The following YEATS2 variants were observed in gnomAD, a reference collection of about 807,000 sequenced individuals.
YEATS2 encodes YEATS domain containing 2.
Under a neutral mutation model 163.2 loss-of-function variants are expected in YEATS2, and 77 were observed. That is an observed-to-expected ratio of 0.47 (90% CI 0.39 to 0.57). The LOEUF (loss-of-function observed/expected upper bound fraction) is 0.57, where lower values mean the gene tolerates loss of function less well. Among genes scored for constraint, YEATS2 ranks in the 20% least tolerant of loss-of-function variants. The pLI is 0.00. For missense variants in YEATS2, 1,549 were observed against 1,729.8 expected, an observed-to-expected ratio of 0.90 and a Z score of 1.85; for synonymous variants, 631 against 645.1, an observed-to-expected ratio of 0.98 and a Z score of 0.33.
At chr3:183,767,612 AC>A (rs1463989409) in intron 15 of YEATS2, among the ~76,000 whole-genome samples, 1 of 151,896 alleles carries the variant, frequency 6.6e-6, no homozygotes, top group East Asian at 1.9e-4. Flanking sequence ...CAAACTTCTG[AC>A]CTTGTGATCT....
chr3:183,730,539 T>C (rs991711264), intron 7 of YEATS2, among the ~76,000 whole-genome samples: 1 of 152,218 alleles, frequency 6.6e-6, no homozygotes, highest in African/African-American at 2.4e-5. Context: ...GCTGTTTTTT[T>C]TGCTGCCACA....
In YEATS2 at chr3:183,730,052, G is replaced by GTTTTTTT. The variant is rs869091775; in HGVS notation, c.812+1230_812+1236dup. Among the ~76,000 whole-genome samples the GTTTTTTT allele has an allele frequency of 1.6e-3, 66 of 41,720 alleles. 4 individuals carry two copies. Among genetic ancestry groups the GTTTTTTT allele is most frequent in the African/African-American group, 2.0e-3 (24 of 12,142 alleles). 27.4% of individuals were successfully genotyped at this position (41,720 alleles called of 152,430 possible). On this transcript the variant is annotated intron_variant, in intron 7 of 30. Coordinates refer to ENST00000305135, the MANE Select transcript of YEATS2 (RefSeq NM_018023.5). ...ATATTAATTGTGTGGTTTTTTGTTTGTTTTTTTTTTTTTTTTTTTTTTTTT... is the reference window on the plus strand; with the variant it reads ...ATATTAATTGTGTGGTTTTTTGTTTGTTTTTTTTTTTTTTTTTTTTTTTTTTTTTTTT...
At chr3:183,714,257 G>A (rs1200823950) in intron 1 of YEATS2, among the ~76,000 whole-genome samples, 3 of 148,098 alleles carry the variant, frequency 2.0e-5, no homozygotes, top group African/African-American at 5.0e-5. Context: ...GTGCAGTGGC[G>A]CGATCTCAGC....
rs4274778 is a variant in YEATS2 at position 183,808,583 on chromosome 3, C to T, written c.4086+479C>T. 873 of 167,782 alleles carry T rather than the reference C, an allele frequency of 5.2e-3. 10 individuals are homozygous for T. Among genetic ancestry groups the T allele is most frequent in the African/African-American group, 0.017 (717 of 41,740 alleles). The allele number at this position is 167,782 out of a possible 1,614,324, so 10.4% of individuals were successfully genotyped here. A position where few individuals can be genotyped will look rare whatever the true frequency, so the allele number is the denominator to read the frequency against. On this transcript the variant is annotated intron_variant, in intron 29 of 30. Coordinates refer to ENST00000305135, the MANE Select transcript of YEATS2 (RefSeq NM_018023.5). ...TAAATACAATGTCTAGGGCTGGGCG[C>T]GGTGGCTCATGCCTGTAATCTCAGC...
intron 15 of YEATS2, among the ~76,000 whole-genome samples, chr3:183,763,193 C>T (rs575252129): frequency 2.6e-5 from 4 of 152,168 alleles, no homozygotes; most frequent in South Asian, 4.2e-4. Context: ...GTGTGAACAT[C>T]GCAGTGTACT....
chr3:183,771,867 C>T (rs1356483727), intron 15 of YEATS2, among the ~76,000 whole-genome samples: 1 of 151,772 alleles, frequency 6.6e-6, no homozygotes, highest in East Asian at 1.9e-4. Context: ...GCTGGGACTA[C>T]AGGTGTGTGC....
intron 17 of YEATS2, 89 bp downstream of exon 17, chr3:183,773,883 CA>C (rs1481103691): frequency 7.0e-7 from 1 of 1,424,182 alleles, no homozygotes; most frequent in Admixed American, 2.7e-5. Flanking sequence ...TTACCTGTTT[CA>C]GGAAGCATTT....
At chr3:183,752,355 G>A in intron 10 of YEATS2, 102 bp downstream of exon 10, 1 of 1,387,832 alleles carries the variant, frequency 7.2e-7, no homozygotes, top group Non-Finnish European at 1.0e-6. Context: ...TTTGCTATAA[G>A]TGGACATGCT....
intron 25 of YEATS2, 179 bp downstream of exon 25, chr3:183,801,707 TTTA>T (rs1201869122): frequency 5.9e-6 from 3 of 504,496 alleles, no homozygotes; most frequent in African/African-American, 3.9e-5. Context: ...CAGTTAGTTT[TTTA>T]TTGTTTTCAC....
rs57050296 is a variant in YEATS2 at position 183,755,741 on chromosome 3, C to CTTTTTTTTTTTTTTTTTTTTTTTTTTTT, written c.1391-785_1391-758dup. Reference sequence around the variant, plus strand: ...ACTTACTGATTTTCTTCCTTCCTTTCTTTTTTTTTTTTTTTTTTTTTTTTT... The same window carrying CTTTTTTTTTTTTTTTTTTTTTTTTTTTT: ...ACTTACTGATTTTCTTCCTTCCTTTCTTTTTTTTTTTTTTTTTTTTTTTTTTTTTTTTTTTTTTTTTTTTTTTTTTTTT... On this transcript the variant is annotated intron_variant, in intron 11 of 30. Transcript: ENST00000305135. 2.4e-5 allele frequency among the ~76,000 whole-genome samples: 2 copies of CTTTTTTTTTTTTTTTTTTTTTTTTTTTT among 82,220 alleles called. 1 individual carries two copies. Among genetic ancestry groups the CTTTTTTTTTTTTTTTTTTTTTTTTTTTT allele is most frequent in the East Asian group, 6.6e-4 (2 of 3,012 alleles). The allele number at this position is 82,220 out of a possible 152,430, so 53.9% of individuals were successfully genotyped here. A position where few individuals can be genotyped will look rare whatever the true frequency, so the allele number is the denominator to read the frequency against.
chr3:183,710,385 C>G (rs969386028), intron 1 of YEATS2, among the ~76,000 whole-genome samples: 1 of 152,220 alleles, frequency 6.6e-6, no homozygotes, highest in Non-Finnish European at 1.5e-5. Flanking sequence ...CTAGTCTTAG[C>G]TAGCTAGCAG....
At chr3:183,742,950 TCATTAG>T (rs1438613208) in intron 8 of YEATS2, among the ~76,000 whole-genome samples, 1 of 152,244 alleles carries the variant, frequency 6.6e-6, no homozygotes, top group East Asian at 1.9e-4. Flanking sequence ...CTCAAGGTGA[TCATTAG>T]CACTTTTTAG....
Position 183,790,877 on chromosome 3 carries a change from C to A in YEATS2, c.2994C>A (p.Ser998Arg). 1 of 1,614,180 alleles carries A rather than the reference C, an allele frequency of 6.2e-7. No homozygotes were observed. The highest frequency in any genetic ancestry group is 8.5e-7 in the Non-Finnish European group (1 of 1,180,032). Residue 998 changes from serine (S) to arginine (R), a missense_variant, in exon 21 of 31, where the codon AGC (serine) becomes AGA (arginine). Ser to Arg is a moderately radical substitution (Grantham distance 110). Coordinates refer to ENST00000305135, the MANE Select transcript of YEATS2 (RefSeq NM_018023.5). ...CTGGGCAGCAGCAAGTGTGTGTGAG[C>A]CAGGCCACCGTGGGAACCTGCAAGG... Reference protein sequence around the residue: ...KTSGQQQVCVSQATVGTCKAA... With the variant: ...KTSGQQQVCVRQATVGTCKAA...
At chr3:183,700,735 C>T (rs1713983809) in intron 1 of YEATS2, among the ~76,000 whole-genome samples, 1 of 125,804 alleles carries the variant, frequency 7.9e-6, no homozygotes, top group Non-Finnish European at 1.6e-5. Context: ...CGCGCCACTG[C>T]ACTCCAGCCT....
rs866906399 is a variant in YEATS2, at chr3:183,770,297, T to A, written c.1948-2008T>A. On this transcript the variant is annotated intron_variant, in intron 15 of 30. Transcript: ENST00000305135. ...TACTCGGGAGACTGAGGCAGGAGAA[T>A]GGCATGAACCCGTGAGGCGGAGGTT... is the stretch of plus-strand genomic sequence containing the variant. Among the ~76,000 whole-genome samples the A allele has an allele frequency of 2.2e-4, 34 of 151,746 alleles. No individual in the cohort carries two copies. In the Middle Eastern group the frequency reaches 0.017, roughly 76 times the overall value.
intron 1 of YEATS2, among the ~76,000 whole-genome samples, chr3:183,699,859 C>T (rs1422581977): frequency 6.6e-6 from 1 of 152,074 alleles, no homozygotes. Context: ...TTTGGCAACA[C>T]GGTGGTTATT....
At chr3:183,733,847 T>C (rs1678040923) in intron 7 of YEATS2, among the ~76,000 whole-genome samples, 1 of 148,902 alleles carries the variant, frequency 6.7e-6, no homozygotes, top group Non-Finnish European at 1.5e-5. Context: ...GAACTTTGCT[T>C]TTTTTTTTTA....
intron 12 of YEATS2, among the ~76,000 whole-genome samples, chr3:183,758,306 G>A (rs764189259): frequency 1.3e-5 from 2 of 152,030 alleles, no homozygotes; most frequent in South Asian, 2.1e-4. Flanking sequence ...GCAGTGAGCC[G>A]AGATCAGGCA....
chr3:183,772,897 A>G (rs983556059), intron 16 of YEATS2, among the ~76,000 whole-genome samples: 9 of 152,138 alleles, frequency 5.9e-5, no homozygotes, highest in African/African-American at 2.2e-4. Context: ...CCTGTGTAAA[A>G]TGCTGTACTG....
Sources: allele counts gnomAD v4.1 joint callset (sites outside exome capture counted in the v4.1 genomes callset), GRCh38; gene constraint gnomAD v4.1.1; transcripts MANE v1.5; gene names NCBI Gene and HGNC (gene_info 2026-07-23, HGNC 2026-07-21).